The following STK39 variants were observed in gnomAD, a reference collection of about 807,000 sequenced individuals.
STK39 encodes serine/threonine kinase 39.
Under a neutral mutation model 77.8 loss-of-function variants are expected in STK39, and 20 were observed. The observed-to-expected ratio is 0.26, with a 90% CI of 0.18 to 0.37. STK39 has a LOEUF of 0.37. STK39 is among the 10% of genes least tolerant of loss of function. The pLI, the probability that STK39 is intolerant of heterozygous loss-of-function variation, is 1.00. For synonymous variants in STK39, 246 were observed against 234.1 expected (o/e 1.05, Z -0.47); for missense variants, 479 against 656.5 (o/e 0.73, Z 2.95).
rs577330319 is a variant in STK39 at position 168,009,241 on chromosome 2, G to C, written c.1498+3393C>G. ...GAAATAAAAACATATTCATATGCTG[G>C]TGGGACATATCTAGTAAAGAGGGAA... On this transcript the variant is annotated intron_variant, in intron 16 of 17. Coordinates refer to ENST00000355999, the MANE Select transcript of STK39 (RefSeq NM_013233.3). 4.6e-5 allele frequency among the ~76,000 whole-genome samples: 7 copies of C among 152,250 alleles called. No homozygotes were observed. The South Asian group carries it at 1.0e-3, about 23-fold the overall frequency.
chr2:168,247,355 GGCCGCC>G lies in STK39; in HGVS notation c.75_80del (p.Ala26_Ala27del), dbSNP rs549892329. On this transcript the variant is annotated inframe_deletion, in exon 1 of 18. Transcript: ENST00000355999. Reference sequence around the variant, plus strand: ...CCGGCGCTGCTGTCGCGGCCGCCGGGGCCGCCGCCGCCGCCGCTGTCACCGGGGCCG... The same window carrying G: ...CCGGCGCTGCTGTCGCGGCCGCCGGGGCCGCCGCCGCTGTCACCGGGGCCG... The G allele has an allele frequency of 2.9e-6, 3 of 1,029,038 alleles. No individual in the cohort carries two copies. Among genetic ancestry groups the G allele is most frequent in the African/African-American group, 1.7e-5 (1 of 58,746 alleles). 63.7% of individuals were successfully genotyped at this position (1,029,038 alleles called of 1,614,324 possible).
chr2:168,118,602 C>CAAAAAA (rs35533319), intron 10 of STK39, among the ~76,000 whole-genome samples: 111 of 119,290 alleles, frequency 9.3e-4, no homozygotes, highest in Non-Finnish European at 1.5e-3. Flanking sequence ...CATATGCTTT[C>CAAAAAA]AAAAAAAAAA....
chr2:168,181,941 A>G, intron 2 of STK39, 37 bp downstream of exon 2: 1 of 1,581,538 alleles, frequency 6.3e-7, no homozygotes, highest in Non-Finnish European at 8.7e-7. Context: ...TAGATTAAGA[A>G]AAGCAACCAG....
intron 10 of STK39, among the ~76,000 whole-genome samples, chr2:168,090,863 G>T (rs1056735181): frequency 2.0e-5 from 3 of 152,110 alleles, no homozygotes; most frequent in African/African-American, 7.2e-5. Context: ...AGTAGCAGCT[G>T]GTGTCAAGAA....
chr2:168,036,899 C>A (rs1435117076), intron 14 of STK39, among the ~76,000 whole-genome samples: 1 of 152,100 alleles, frequency 6.6e-6, no homozygotes, highest in Non-Finnish European at 1.5e-5. Flanking sequence ...GAGAGTTACT[C>A]GAAAAAGAAA....
At chr2:168,086,649 G>A (rs917012542) in intron 10 of STK39, among the ~76,000 whole-genome samples, 6 of 152,228 alleles carry the variant, frequency 3.9e-5, no homozygotes, top group Admixed American at 1.3e-4. Flanking sequence ...TACTCAGCTA[G>A]TTTGGTGAAA....
intron 8 of STK39, among the ~76,000 whole-genome samples, chr2:168,130,815 G>A (rs1687675957): frequency 6.6e-6 from 1 of 152,194 alleles, no homozygotes; most frequent in Non-Finnish European, 1.5e-5. Context: ...GCAGCCATGA[G>A]AAAGAATCAA....
intron 16 of STK39, among the ~76,000 whole-genome samples, chr2:168,011,126 T>C (rs548599951): frequency 6.6e-6 from 1 of 152,260 alleles, no homozygotes; most frequent in Admixed American, 6.5e-5. Flanking sequence ...GGCAAAACCC[T>C]GTCTCTACTA....
chr2:168,104,778 A>T (rs1357961601), intron 10 of STK39, among the ~76,000 whole-genome samples: 1 of 152,218 alleles, frequency 6.6e-6, no homozygotes, highest in Admixed American at 6.5e-5. Flanking sequence ...ACAAATGTAT[A>T]TACCCTTTGA....
At chr2:168,053,523 T>C (rs1224220402) in intron 14 of STK39, among the ~76,000 whole-genome samples, 1 of 152,224 alleles carries the variant, frequency 6.6e-6, no homozygotes, top group Non-Finnish European at 1.5e-5. Context: ...TCTGAATTTC[T>C]AAGATGACCA....
At chr2:168,034,655 AG>A (rs1202717410) in intron 14 of STK39, among the ~76,000 whole-genome samples, 3 of 152,150 alleles carry the variant, frequency 2.0e-5, no homozygotes, top group African/African-American at 7.2e-5. Flanking sequence ...CTCCAAACAC[AG>A]GGTGCTATTT....
chr2:168,081,668 T>C (rs949208991), intron 10 of STK39, among the ~76,000 whole-genome samples: 3 of 152,264 alleles, frequency 2.0e-5, no homozygotes, highest in Middle Eastern at 3.4e-3. Context: ...GGCAGAATGA[T>C]ATGGTTTGGC....
intron 10 of STK39, among the ~76,000 whole-genome samples, chr2:168,121,018 C>T (rs1687391766): frequency 6.6e-6 from 1 of 152,210 alleles, no homozygotes; most frequent in Non-Finnish European, 1.5e-5. Flanking sequence ...CCTCCTCACA[C>T]AATTTAAATG....
chr2:168,067,112 C>T (rs958465796), intron 12 of STK39, among the ~76,000 whole-genome samples: 1 of 152,168 alleles, frequency 6.6e-6, no homozygotes, highest in African/African-American at 2.4e-5. Flanking sequence ...GTCCCAGCTA[C>T]TTGAGAGGCT....
At chr2:168,207,286 G>A (rs1460310450) in intron 1 of STK39, among the ~76,000 whole-genome samples, 4 of 152,068 alleles carry the variant, frequency 2.6e-5, no homozygotes, top group South Asian at 2.1e-4. Context: ...TAAACACTGA[G>A]AAACATACAC....
At chr2:168,044,938 G>T (rs925576964) in intron 14 of STK39, among the ~76,000 whole-genome samples, 2 of 152,112 alleles carry the variant, frequency 1.3e-5, no homozygotes, top group Non-Finnish European at 2.9e-5. Flanking sequence ...AGGAAAAAAT[G>T]AGTAACTATA....
chr2:168,016,411 A>AAAAC (rs1553514357), intron 15 of STK39, among the ~76,000 whole-genome samples: 4 of 148,560 alleles, frequency 2.7e-5, no homozygotes, highest in Non-Finnish European at 5.9e-5. Context: ...AAAAAAAAAA[A>AAAAC]AACAACACTA....
intron 16 of STK39, among the ~76,000 whole-genome samples, chr2:167,999,687 T>C (rs981353866): frequency 2.6e-5 from 4 of 151,984 alleles, no homozygotes; most frequent in Non-Finnish European, 5.9e-5. Flanking sequence ...TGGTCTCGAT[T>C]TCCTGACCTC....
At chr2:167,993,446 G>A (rs968045500) in intron 16 of STK39, among the ~76,000 whole-genome samples, 9 of 152,188 alleles carry the variant, frequency 5.9e-5, no homozygotes, top group Non-Finnish European at 1.3e-4. Flanking sequence ...CAGCACTTTG[G>A]GAGGTCGAAG....
Sources: allele counts gnomAD v4.1 joint callset (sites outside exome capture counted in the v4.1 genomes callset), GRCh38; gene constraint gnomAD v4.1.1; transcripts MANE v1.5; gene names NCBI Gene and HGNC (gene_info 2026-07-23, HGNC 2026-07-21).